The following ZNF564 variants were observed in gnomAD, a reference collection of about 807,000 sequenced individuals.
ZNF564 encodes the protein zinc finger protein 564.
A neutral mutation model predicts 10.5 loss-of-function variants in ZNF564; 5 were observed. That is an observed-to-expected ratio of 0.48 (90% confidence interval 0.25 to 1.00). The LOEUF (loss-of-function observed/expected upper bound fraction) is 1.00, where lower values mean the gene tolerates loss of function less well. ZNF564 is among the 50% of genes least tolerant of loss of function. ZNF564 has a pLI of 0.16. For missense variants in ZNF564, 603 were observed against 669.7 expected (o/e 0.90, Z 1.10); for synonymous variants, 242 against 218.1 (o/e 1.11, Z -0.97).
chr19:12,549,162 T>C (rs2022207279), intron 1 of ZNF564, among the ~76,000 whole-genome samples: 2 of 152,198 alleles, frequency 1.3e-5, no homozygotes, highest in Admixed American at 6.6e-5. Flanking sequence ...TCTGCCTCTT[T>C]CTCCCCTTTG....
chr19:12,551,367 A>G lies in ZNF564; in HGVS notation c.-35T>C, dbSNP rs1361625892. ...TCCAGGGTGTCCCGGGGTCCTGCCTACGGCTCTCTCCGGCCTGTGCAGGTC... is the reference window on the plus strand; with the variant it reads ...TCCAGGGTGTCCCGGGGTCCTGCCTGCGGCTCTCTCCGGCCTGTGCAGGTC... On this transcript the variant is annotated 5_prime_UTR_variant, in exon 1 of 4. Transcript: ENST00000339282. 1 of 1,594,578 alleles carries G rather than the reference A, an allele frequency of 6.3e-7. No homozygotes were observed. Among genetic ancestry groups the G allele is most frequent in the Non-Finnish European group, 8.5e-7 (1 of 1,171,246 alleles).
intron 1 of ZNF564, among the ~76,000 whole-genome samples, chr19:12,542,343 CA>C (rs1489348358): frequency 7.2e-6 from 1 of 138,080 alleles, no homozygotes; most frequent in Non-Finnish European, 1.5e-5. Flanking sequence ...GTTTAAGAAA[CA>C]CTACTTCTAG....
Position 12,526,674 on chromosome 19 carries a change from TTCATAGGGTTTTTC to T in ZNF564, c.1420_1433del (p.Glu474MetfsTer2). On this transcript the variant is annotated frameshift_variant, in exon 4 of 4. Coordinates refer to ENST00000339282, the MANE Select transcript of ZNF564 (RefSeq NM_144976.4). LOFTEE classifies it low-confidence loss of function (END_TRUNC). ...TGAATGCTTTCCCACATTCTTTACA[TTCATAGGGTTTTTC>T]TCCAGTATGAGTTCTTTCATGTGTT... is the stretch of plus-strand genomic sequence containing the variant. 6.2e-7 allele frequency: 1 copy of T among 1,614,200 alleles called. No individual in the cohort carries two copies. Among genetic ancestry groups the T allele is most frequent in the Non-Finnish European group, 8.5e-7 (1 of 1,180,040 alleles).
intron 3 of ZNF564, 111 bp downstream of exon 3, chr19:12,528,193 T>A (rs2021731773): frequency 1.8e-6 from 2 of 1,120,612 alleles, no homozygotes. Flanking sequence ...GGTGAAAAAG[T>A]TGTAGGAATA....
intron 3 of ZNF564, 85 bp from the exon 4 acceptor site, chr19:12,528,001 C>T (rs187479665): frequency 1.8e-4 from 252 of 1,431,508 alleles, no homozygotes; most frequent in Middle Eastern, 7.6e-4. Context: ...ACCATAATCG[C>T]GGAAAGGGTA....
At chr19:12,531,542 G>T (rs1383018041) in intron 1 of ZNF564, among the ~76,000 whole-genome samples, 1 of 151,940 alleles carries the variant, frequency 6.6e-6, no homozygotes, top group East Asian at 1.9e-4. Context: ...ACTCCAGCCT[G>T]GGTGGCAAGA....
At chr19:12,534,334 T>C (rs893135229) in intron 1 of ZNF564, among the ~76,000 whole-genome samples, 1 of 152,250 alleles carries the variant, frequency 6.6e-6, no homozygotes, top group Non-Finnish European at 1.5e-5. Flanking sequence ...ATGCATATTT[T>C]GTCACTGGGG....
At chr19:12,540,951 C>T (rs1246168258) in intron 1 of ZNF564, among the ~76,000 whole-genome samples, 1 of 143,474 alleles carries the variant, frequency 7.0e-6, no homozygotes, top group Non-Finnish European at 1.5e-5. Flanking sequence ...GTGGAGGTTG[C>T]GGTGAGCTGA....
rs1321986582 is a variant in ZNF564 at position 12,527,911 on chromosome 19, T to A, written c.197A>T (p.His66Leu). Reference sequence around the variant, plus strand: ...ACTTTCACTGAGTCCCTCTTCCATATGATTTCTGGAAAAAATAGAAAGCAA... The same window carrying A: ...ACTTTCACTGAGTCCCTCTTCCATAAGATTTCTGGAAAAAATAGAAAGCAA... ...YKNQGRILRN[H>L]MEEGLSESKE... Residue 66 changes from histidine (H) to leucine (L), a missense_variant, in exon 4 of 4, where the codon CAT becomes CTT. Physicochemically the swap from His to Leu is moderately conservative, Grantham distance 99. Coordinates refer to ENST00000339282, the MANE Select transcript of ZNF564 (RefSeq NM_144976.4). 3.8e-6 allele frequency: 6 copies of A among 1,577,148 alleles called. No individual in the cohort carries two copies. The highest frequency in any genetic ancestry group is 3.4e-6 in the Non-Finnish European group (4 of 1,164,208).
At chr19:12,539,542 C>T (rs983367933) in intron 1 of ZNF564, among the ~76,000 whole-genome samples, 15 of 149,404 alleles carry the variant, frequency 1.0e-4, no homozygotes, top group African/African-American at 3.7e-4. Context: ...GTGGCACGTA[C>T]CTGTAGTCCC....
intron 1 of ZNF564, among the ~76,000 whole-genome samples, chr19:12,540,808 G>C (rs2145085511): frequency 6.6e-6 from 1 of 151,752 alleles, no homozygotes; most frequent in African/African-American, 2.4e-5. Flanking sequence ...GAGCCGAGAT[G>C]GCACCACTGC....
At position 12,551,404 on chromosome 19, in the gene ZNF564, G is replaced by A; in HGVS notation, c.-72C>T. ...GGCCTGTGCAGGTCCCAGCGCGCCA[G>A]ACGCTGCGGTGGAGCCACCGGGGCC... On this transcript the variant is annotated 5_prime_UTR_variant, in exon 1 of 4. Coordinates refer to ENST00000339282, the MANE Select transcript of ZNF564 (RefSeq NM_144976.4). 2 of 1,496,304 alleles carry A rather than the reference G, an allele frequency of 1.3e-6. No individual in the cohort carries two copies. The highest frequency in any genetic ancestry group is 2.9e-5 in the African/African-American group (2 of 70,006). The allele number at this position is 1,496,304 out of a possible 1,614,324, so 92.7% of individuals were successfully genotyped here. A position where few individuals can be genotyped will look rare whatever the true frequency, so the allele number is the denominator to read the frequency against.
At chr19:12,531,462 G>C (rs2021799349) in intron 1 of ZNF564, among the ~76,000 whole-genome samples, 1 of 152,066 alleles carries the variant, frequency 6.6e-6, no homozygotes, top group Non-Finnish European at 1.5e-5. Context: ...AGCTACCTGG[G>C]AGGCCGAGGC....
chr19:12,549,915 G>C (rs745608209), intron 1 of ZNF564, among the ~76,000 whole-genome samples: 3 of 152,216 alleles, frequency 2.0e-5, no homozygotes, highest in Non-Finnish European at 4.4e-5. Context: ...ACCTTGTAAA[G>C]TTTCCAAAGG....
intron 1 of ZNF564, among the ~76,000 whole-genome samples, chr19:12,537,686 C>T (rs1262167758): frequency 7.0e-6 from 1 of 143,842 alleles, no homozygotes; most frequent in Non-Finnish European, 1.5e-5. Context: ...TGCGGTGAGC[C>T]GAGATTTCGC....
intron 1 of ZNF564, among the ~76,000 whole-genome samples, chr19:12,535,489 A>T (rs2021889898): frequency 6.6e-6 from 1 of 152,202 alleles, no homozygotes; most frequent in African/African-American, 2.4e-5. Context: ...GGGACATGAA[A>T]AAGTCTTTGG....
rs1311970404 is a variant in ZNF564, at chr19:12,543,076, A to T, written c.3+8254T>A. On this transcript the variant is annotated intron_variant, in intron 1 of 3. Coordinates refer to ENST00000339282, the MANE Select transcript of ZNF564 (RefSeq NM_144976.4). ...AGCATTTTGGGAGGCCAAGGCGGGC[A>T]GATCACCCAAGGTCAGGAGTTCAAG... 5.3e-5 allele frequency among the ~76,000 whole-genome samples: 8 copies of T among 151,184 alleles called. No individual in the cohort carries two copies. The East Asian group carries it at 1.6e-3, about 30-fold the overall frequency.
At chr19:12,549,179 T>TC (rs1213866841) in intron 1 of ZNF564, among the ~76,000 whole-genome samples, 2 of 152,182 alleles carry the variant, frequency 1.3e-5, no homozygotes, top group African/African-American at 4.8e-5. Flanking sequence ...TTTGTGACCC[T>TC]CCCTTTGCAA....
chr19:12,545,262 C>CAA (rs534783270), intron 1 of ZNF564, among the ~76,000 whole-genome samples: 5,875 of 57,234 alleles, frequency 0.1, 223 homozygotes, highest in African/African-American at 0.14. Flanking sequence ...AATTCCGTCT[C>CAA]AAAAAAAAAA....
Sources: allele counts gnomAD v4.1 joint callset (sites outside exome capture counted in the v4.1 genomes callset), GRCh38; gene constraint gnomAD v4.1.1; transcripts MANE v1.5; gene names NCBI Gene and HGNC (gene_info 2026-07-23, HGNC 2026-07-21).